Variants in TRAPPC12 observed in about 807,000 individuals in gnomAD.
The protein encoded by TRAPPC12 is TPR repeat protein 15.
TRAPPC12 carries 61 observed loss-of-function variants against 69.2 expected under a neutral mutation model. The observed-to-expected ratio is 0.88, with a 90% CI of 0.72 to 1.09. The LOEUF (loss-of-function observed/expected upper bound fraction) is 1.09. TRAPPC12 is among the 50% of genes least tolerant of loss of function. TRAPPC12 has a pLI of 0.00. For missense variants in TRAPPC12, 1,101 were observed against 1,016.4 expected, an observed-to-expected ratio of 1.08 and a Z score of -1.13; for synonymous variants, 469 against 438.9, an observed-to-expected ratio of 1.07 and a Z score of -0.86.
chr2:3,410,160 C>T (rs1661981484), intron 3 of TRAPPC12, among the ~76,000 whole-genome samples: 1 of 152,068 alleles, frequency 6.6e-6, no homozygotes, highest in Non-Finnish European at 1.5e-5. Context: ...ATTTATAGAC[C>T]AATCGATATT....
chr2:3,469,900 C>T (rs1380557976), intron 9 of TRAPPC12, among the ~76,000 whole-genome samples: 5 of 152,152 alleles, frequency 3.3e-5, no homozygotes, highest in Non-Finnish European at 5.9e-5. Context: ...AAGCTAAACG[C>T]GCGTGGAATA....
At chr2:3,417,331 C>T (rs746949087) in intron 3 of TRAPPC12, among the ~76,000 whole-genome samples, 1 of 152,130 alleles carries the variant, frequency 6.6e-6, no homozygotes, top group Non-Finnish European at 1.5e-5. Context: ...ACGGCTCCCC[C>T]CACCGCCCCC....
chr2:3,401,684 G>GA, intron 2 of TRAPPC12, 93 bp from the exon 3 acceptor site: 2 of 782,518 alleles, frequency 2.6e-6, no homozygotes, highest in Non-Finnish European at 3.9e-6. Flanking sequence ...AGCCAGTGGA[G>GA]AAAAAAGAAA....
At chr2:3,383,772 T>C (rs1222514866) in intron 1 of TRAPPC12, among the ~76,000 whole-genome samples, 1 of 151,728 alleles carries the variant, frequency 6.6e-6, no homozygotes, top group Non-Finnish European at 1.5e-5. Flanking sequence ...ATTCCAAGTT[T>C]ATTTTTTCCC....
intron 3 of TRAPPC12, among the ~76,000 whole-genome samples, chr2:3,409,625 C>T (rs141110508): frequency 0.017 from 2,572 of 151,944 alleles, 40 homozygotes; most frequent in Middle Eastern, 0.031. Flanking sequence ...TGGCACGCAC[C>T]TGTAGTCCCA....
intron 8 of TRAPPC12, among the ~76,000 whole-genome samples, chr2:3,462,595 G>A (rs79195614): frequency 0.016 from 2,365 of 152,298 alleles, 35 homozygotes; most frequent in East Asian, 0.065. Flanking sequence ...TAACTTCTTA[G>A]CAATGAAATG....
intron 3 of TRAPPC12, among the ~76,000 whole-genome samples, 162 bp downstream of exon 3, chr2:3,402,055 T>A (rs895403552): frequency 4.6e-5 from 7 of 152,196 alleles, no homozygotes; most frequent in African/African-American, 1.7e-4. Flanking sequence ...CCAAAAAGCA[T>A]CATATTAATA....
rs937998469 is a variant in TRAPPC12 at position 3,424,789 on chromosome 2, C to G, written c.1417+126C>G. The G allele has an allele frequency of 1.0e-5, 11 of 1,065,622 alleles. No homozygotes were observed. In the Admixed American group the frequency reaches 1.3e-4, roughly 13 times the overall value. 66.0% of individuals were successfully genotyped at this position (1,065,622 alleles called of 1,614,324 possible). On this transcript the variant is annotated intron_variant, in intron 5 of 11. Transcript: ENST00000324266. ...CAGTCTTGAAAAATCAGATAAGTAC[C>G]CAGCAACAAGCCTTGACTTACAGAA...
chr2:3,474,048 T>C (rs1300541178), intron 9 of TRAPPC12, among the ~76,000 whole-genome samples: 1 of 152,106 alleles, frequency 6.6e-6, no homozygotes, highest in Non-Finnish European at 1.5e-5. Context: ...AAATGGCCAT[T>C]GCCCATCTGT....
At chr2:3,428,719 T>C (rs752027397) in intron 5 of TRAPPC12, among the ~76,000 whole-genome samples, 12 of 152,152 alleles carry the variant, frequency 7.9e-5, no homozygotes, top group Non-Finnish European at 1.6e-4. Context: ...TGGCGCTGTG[T>C]CTTTCACTTG....
intron 3 of TRAPPC12, among the ~76,000 whole-genome samples, chr2:3,417,328 C>T (rs944644093): frequency 6.6e-6 from 1 of 152,062 alleles, no homozygotes; most frequent in Non-Finnish European, 1.5e-5. Flanking sequence ...GCCACGGCTC[C>T]CCCCACCGCC....
chr2:3,411,860 A>T (rs531385019), intron 3 of TRAPPC12, among the ~76,000 whole-genome samples: 6 of 152,340 alleles, frequency 3.9e-5, no homozygotes, highest in African/African-American at 1.4e-4. Context: ...AGGTCATTCC[A>T]GGTTATGTTT....
At chr2:3,468,072 C>T (rs1484483213) in intron 9 of TRAPPC12, 1 of 152,276 alleles carries the variant, frequency 6.6e-6, no homozygotes, top group Non-Finnish European at 1.5e-5. Context: ...TTTTCCAGCC[C>T]AGTGTTCTTC....
intron 6 of TRAPPC12, among the ~76,000 whole-genome samples, chr2:3,452,107 G>A (rs1041497623): frequency 3.9e-5 from 6 of 152,182 alleles, no homozygotes; most frequent in African/African-American, 7.2e-5. Context: ...GATGGTGACC[G>A]CAGTGTCTCA....
chr2:3,401,933 TA>T, intron 3 of TRAPPC12, 40 bp downstream of exon 3: 3 of 1,347,894 alleles, frequency 2.2e-6, no homozygotes, highest in Non-Finnish European at 3.1e-6. Flanking sequence ...TGTTTTGTGA[TA>T]AGTCCTGCCT....
intron 9 of TRAPPC12, among the ~76,000 whole-genome samples, chr2:3,470,004 T>C (rs1158474288): frequency 6.6e-6 from 1 of 152,162 alleles, no homozygotes; most frequent in East Asian, 1.9e-4. Flanking sequence ...GAATGTTATC[T>C]CCAGACCAGG....
chr2:3,409,561 C>G (rs1661925469), intron 3 of TRAPPC12, among the ~76,000 whole-genome samples: 1 of 151,776 alleles, frequency 6.6e-6, no homozygotes, highest in Non-Finnish European at 1.5e-5. Context: ...TCAGCCCGAG[C>G]AATATAGTGA....
intron 3 of TRAPPC12, among the ~76,000 whole-genome samples, chr2:3,405,108 G>T (rs1661655271): frequency 6.7e-6 from 1 of 148,432 alleles, no homozygotes. Flanking sequence ...ACTTGGTAGG[G>T]CCAGTGTCAG....
chr2:3,465,698 A>G lies in TRAPPC12; in HGVS notation c.1776+3A>G, dbSNP rs771909152. 13 of 1,609,840 alleles carry G rather than the reference A, an allele frequency of 8.1e-6. No individual in the cohort carries two copies. Among genetic ancestry groups the G allele is most frequent in the Admixed American group, 1.7e-5 (1 of 60,004 alleles). On this transcript the variant is annotated splice_donor_region_variant and intron_variant, in intron 9 of 11. Coordinates refer to ENST00000324266, the MANE Select transcript of TRAPPC12 (RefSeq NM_016030.6). Reference sequence around the variant, plus strand: ...GCATCGGCCGGATTTCCCTGCAGGTACCTGTGCACGGTCAGACATGAGCCA... The same window carrying G: ...GCATCGGCCGGATTTCCCTGCAGGTGCCTGTGCACGGTCAGACATGAGCCA...
Sources: gnomAD v4.1 joint callset for allele counts (sites outside exome capture counted in the v4.1 genomes callset) on GRCh38, gnomAD v4.1.1 for gene constraint, MANE v1.5 for transcripts, NCBI Gene and HGNC (gene_info 2026-07-23, HGNC 2026-07-21) for gene names.